The following GPATCH2 variants were observed in gnomAD, a reference collection of about 807,000 sequenced individuals.
The protein encoded by GPATCH2 is G patch domain-containing protein 2.
Under a neutral mutation model 58.0 loss-of-function variants are expected in GPATCH2, and 51 were observed. The ratio of observed to expected loss-of-function variants is 0.88; its 90% CI spans 0.70 to 1.11. GPATCH2 has a LOEUF of 1.11. Among genes scored for constraint, GPATCH2 ranks in the 50% most tolerant of loss-of-function variants. The pLI, the probability that GPATCH2 is intolerant of heterozygous loss-of-function variation, is 0.00. For synonymous variants in GPATCH2, 222 were observed against 218.5 expected, an observed-to-expected ratio of 1.02 and a Z score of -0.14; for missense variants, 625 against 652.2, an observed-to-expected ratio of 0.96 and a Z score of 0.45.
chr1:217,494,758 A>G (rs1215921588), intron 7 of GPATCH2, among the ~76,000 whole-genome samples: 1 of 151,638 alleles, frequency 6.6e-6, no homozygotes, highest in Non-Finnish European at 1.5e-5. Context: ...AAAAAAGAAG[A>G]CTCCCAACAT....
intron 8 of GPATCH2, among the ~76,000 whole-genome samples, chr1:217,479,390 G>A (rs906318125): frequency 6.6e-6 from 1 of 152,050 alleles, no homozygotes; most frequent in African/African-American, 2.4e-5. Flanking sequence ...TGAGGTTGAG[G>A]CATAGTTTTT....
chr1:217,462,501 A>G (rs1660241119), intron 8 of GPATCH2, among the ~76,000 whole-genome samples: 2 of 151,744 alleles, frequency 1.3e-5, no homozygotes, highest in African/African-American at 4.9e-5. Context: ...GCATAGAAAT[A>G]AGACTAAAAA....
At chr1:217,557,881 T>C (rs1665724505) in intron 5 of GPATCH2, among the ~76,000 whole-genome samples, 1 of 152,186 alleles carries the variant, frequency 6.6e-6, no homozygotes, top group Non-Finnish European at 1.5e-5. Context: ...CATCATACCG[T>C]AAAATAAGCA....
intron 6 of GPATCH2, among the ~76,000 whole-genome samples, chr1:217,511,898 T>C (rs1325985559): frequency 6.6e-6 from 1 of 152,056 alleles, no homozygotes; most frequent in Non-Finnish European, 1.5e-5. Context: ...AAAATTCCCA[T>C]GATGTGGTGT....
chr1:217,473,606 T>C (rs1660837621), intron 8 of GPATCH2, among the ~76,000 whole-genome samples: 1 of 151,238 alleles, frequency 6.6e-6, no homozygotes. Flanking sequence ...TAAAACTTCA[T>C]AGCAGGCAAA....
intron 5 of GPATCH2, among the ~76,000 whole-genome samples, chr1:217,590,214 G>A (rs888818186): frequency 6.6e-6 from 1 of 151,940 alleles, no homozygotes; most frequent in Admixed American, 6.6e-5. Context: ...AGAGACAGGG[G>A]TTTCACTATG....
chr1:217,607,724 T>C (rs1202630568), intron 5 of GPATCH2, among the ~76,000 whole-genome samples: 1 of 152,200 alleles, frequency 6.6e-6, no homozygotes, highest in African/African-American at 2.4e-5. Context: ...AGCAAGTGTA[T>C]AGAATACAGT....
In GPATCH2 at chr1:217,570,404, C is replaced by T. The variant is rs111859396; in HGVS notation, c.1098+39917G>A. ...CTGGGATTACAGGCCTGAGCCACCA[C>T]ACCTGGCCCCAAAATATGTATTTAA... On this transcript the variant is annotated intron_variant, in intron 5 of 9. Coordinates refer to ENST00000366935, the MANE Select transcript of GPATCH2 (RefSeq NM_018040.5). Among the ~76,000 whole-genome samples the T allele has an allele frequency of 4.1e-3, 624 of 152,290 alleles. 4 individuals carry two copies. Among genetic ancestry groups the T allele is most frequent in the African/African-American group, 0.014 (598 of 41,560 alleles).
intron 5 of GPATCH2, among the ~76,000 whole-genome samples, chr1:217,555,223 T>C (rs752046451): frequency 3.9e-5 from 6 of 152,324 alleles, no homozygotes; most frequent in Non-Finnish European, 8.8e-5. Context: ...GCTAGCATCA[T>C]AATTTAATAC....
At chr1:217,457,508 G>A (rs1013326127) in intron 8 of GPATCH2, among the ~76,000 whole-genome samples, 2 of 152,078 alleles carry the variant, frequency 1.3e-5, no homozygotes, top group African/African-American at 2.4e-5. Flanking sequence ...CAGATAAGGA[G>A]CCCAGGCACA....
At position 217,572,387 on chromosome 1, in the gene GPATCH2, G is replaced by A. The variant is rs1571942633; in HGVS notation, c.1098+37934C>T. ...AAACCATATTATATGATGATGTCCA[G>A]AGTTTCCATAAAGCCTGGACACAAA... On this transcript the variant is annotated intron_variant, in intron 5 of 9. Coordinates refer to ENST00000366935, the MANE Select transcript of GPATCH2 (RefSeq NM_018040.5). Among the ~76,000 whole-genome samples, 4 of 152,258 alleles carry A rather than the reference G, an allele frequency of 2.6e-5. No individual in the cohort carries two copies. The East Asian group carries it at 7.7e-4, about 29-fold the overall frequency.
At chr1:217,521,062 T>C (rs1398919942) in intron 5 of GPATCH2, among the ~76,000 whole-genome samples, 1 of 152,170 alleles carries the variant, frequency 6.6e-6, no homozygotes, top group Admixed American at 6.5e-5. Flanking sequence ...CATGCACTGG[T>C]CTTGAGCTTC....
intron 5 of GPATCH2, among the ~76,000 whole-genome samples, chr1:217,542,872 C>G (rs896359020): frequency 6.6e-6 from 1 of 152,132 alleles, no homozygotes; most frequent in African/African-American, 2.4e-5. Flanking sequence ...AAGTTTTTCA[C>G]CTACTTTGTC....
intron 5 of GPATCH2, among the ~76,000 whole-genome samples, chr1:217,558,447 A>C (rs1439940744): frequency 6.6e-6 from 1 of 152,222 alleles, no homozygotes; most frequent in East Asian, 1.9e-4. Context: ...TTGTTGTAAT[A>C]AAGTGTCTCA....
At chr1:217,619,463 A>G (rs1438752963) in intron 2 of GPATCH2, among the ~76,000 whole-genome samples, 1 of 152,194 alleles carries the variant, frequency 6.6e-6, no homozygotes. Context: ...ACATATAATT[A>G]TATATCCAAT....
chr1:217,482,966 T>C (rs1661284563), intron 8 of GPATCH2, among the ~76,000 whole-genome samples: 1 of 152,220 alleles, frequency 6.6e-6, no homozygotes, highest in African/African-American at 2.4e-5. Flanking sequence ...CACTATGTAG[T>C]AGTTTATGTT....
intron 5 of GPATCH2, among the ~76,000 whole-genome samples, chr1:217,540,079 A>G (rs928500618): frequency 4.6e-5 from 7 of 152,210 alleles, no homozygotes; most frequent in African/African-American, 1.7e-4. Flanking sequence ...GAGTTTTTAC[A>G]CTAAAATGTT....
At chr1:217,482,052 T>A (rs199509915) in intron 8 of GPATCH2, among the ~76,000 whole-genome samples, 1 of 149,990 alleles carries the variant, frequency 6.7e-6, no homozygotes, top group Admixed American at 6.7e-5. Context: ...ATAAGTAAAC[T>A]GAGAGAGAGA....
At chr1:217,438,488 G>C (rs533932696) in intron 9 of GPATCH2, among the ~76,000 whole-genome samples, 3 of 151,970 alleles carry the variant, frequency 2.0e-5, no homozygotes, top group African/African-American at 7.2e-5. Flanking sequence ...CTTGAAAAAA[G>C]GTAACTAGAA....
Sources: allele counts gnomAD v4.1 joint callset (sites outside exome capture counted in the v4.1 genomes callset), GRCh38; gene constraint gnomAD v4.1.1; transcripts MANE v1.5; gene names NCBI Gene and HGNC (gene_info 2026-07-23, HGNC 2026-07-21).